The following FNDC3A variants were observed in gnomAD, a reference collection of about 807,000 sequenced individuals.
FNDC3A encodes the protein fibronectin type III domain containing 3A, also known as fibronectin type-III domain-containing protein 3A.
A neutral mutation model predicts 148.9 loss-of-function variants in FNDC3A; 32 were observed. The ratio of observed to expected loss-of-function variants is 0.21; its 90% CI spans 0.16 to 0.29. The LOEUF (loss-of-function observed/expected upper bound fraction) is 0.29, where lower values mean the gene tolerates loss of function less well. Ranked by LOEUF, FNDC3A falls within the 10% of genes least tolerant of loss-of-function variation. FNDC3A has a pLI of 1.00. For synonymous variants in FNDC3A, 472 were observed against 473.6 expected (o/e 1.00, Z 0.04); for missense variants, 1,191 against 1,452.8 (o/e 0.82, Z 2.93).
At chr13:49,153,475 T>C (rs1883451585) in intron 8 of FNDC3A, among the ~76,000 whole-genome samples, 1 of 152,174 alleles carries the variant, frequency 6.6e-6, no homozygotes. Context: ...GGTTGCCTGT[T>C]CACTCTGATG....
At chr13:49,012,819 G>GTGTT (rs1566189894) in intron 2 of FNDC3A, among the ~76,000 whole-genome samples, 1 of 151,198 alleles carries the variant, frequency 6.6e-6, no homozygotes, top group East Asian at 1.9e-4. Context: ...GTGTGTGTGT[G>GTGTT]TGTGTGTGTG....
At chr13:49,139,190 A>C (rs1882552922) in intron 7 of FNDC3A, among the ~76,000 whole-genome samples, 1 of 152,166 alleles carries the variant, frequency 6.6e-6, no homozygotes, top group Non-Finnish European at 1.5e-5. Context: ...TTTCTCTGAC[A>C]AGTGAGAAAA....
At chr13:49,001,060 T>C (rs1472647996) in intron 1 of FNDC3A, among the ~76,000 whole-genome samples, 1 of 152,106 alleles carries the variant, frequency 6.6e-6, no homozygotes, top group Non-Finnish European at 1.5e-5. Flanking sequence ...CTGTCCAGTT[T>C]AGATGCCTTT....
At chr13:49,024,866 T>C (rs1026407559) in intron 2 of FNDC3A, among the ~76,000 whole-genome samples, 2 of 151,996 alleles carry the variant, frequency 1.3e-5, no homozygotes, top group African/African-American at 2.4e-5. Flanking sequence ...AACCCACTTA[T>C]ACTGTTGTTT....
chr13:48,999,956 G>A (rs3012137), intron 1 of FNDC3A, among the ~76,000 whole-genome samples: 151,682 of 152,346 alleles, frequency 1, 75,516 homozygotes, highest in Middle Eastern at 1. Flanking sequence ...TGTTTCAGTT[G>A]CACACTTTTG....
chr13:49,121,048 C>T (rs1413888348), intron 4 of FNDC3A, among the ~76,000 whole-genome samples: 1 of 152,132 alleles, frequency 6.6e-6, no homozygotes, highest in East Asian at 1.9e-4. Flanking sequence ...ATACATTCTT[C>T]TCAGCACCAC....
intron 3 of FNDC3A, among the ~76,000 whole-genome samples, chr13:49,090,939 A>G (rs1419536628): frequency 1.3e-5 from 2 of 152,180 alleles, no homozygotes; most frequent in African/African-American, 2.4e-5. Flanking sequence ...GGTTGCAGTG[A>G]GCTATGCTTG....
At chr13:49,015,678 G>A (rs1952482777) in intron 2 of FNDC3A, among the ~76,000 whole-genome samples, 1 of 152,068 alleles carries the variant, frequency 6.6e-6, no homozygotes, top group South Asian at 2.1e-4. Context: ...CCTGTCTTGT[G>A]CCAGTTTTCA....
intron 2 of FNDC3A, among the ~76,000 whole-genome samples, chr13:49,057,916 A>G (rs938001296): frequency 2.0e-5 from 3 of 152,302 alleles, no homozygotes; most frequent in East Asian, 3.9e-4. Flanking sequence ...CACAAATACT[A>G]TGGACTGAAT....
intron 2 of FNDC3A, among the ~76,000 whole-genome samples, chr13:49,022,491 A>C (rs1873398815): frequency 6.6e-6 from 1 of 152,310 alleles, no homozygotes; most frequent in East Asian, 1.9e-4. Context: ...TTTTAAGTTC[A>C]AAAAGTTACA....
chr13:49,077,730 G>C (rs569771634), intron 3 of FNDC3A, among the ~76,000 whole-genome samples: 1 of 152,260 alleles, frequency 6.6e-6, no homozygotes, highest in Non-Finnish European at 1.5e-5. Context: ...AACCACCATG[G>C]CACATGTATA....
At chr13:48,978,746 T>C (rs1227195158) in intron 1 of FNDC3A, among the ~76,000 whole-genome samples, 1 of 152,170 alleles carries the variant, frequency 6.6e-6, no homozygotes, top group Non-Finnish European at 1.5e-5. Flanking sequence ...GTTTAGAATA[T>C]GGTGCATATT....
intron 8 of FNDC3A, among the ~76,000 whole-genome samples, chr13:49,164,873 A>T (rs935410690): frequency 6.6e-6 from 1 of 152,118 alleles, no homozygotes; most frequent in African/African-American, 2.4e-5. Context: ...CCCGAAGTTT[A>T]TCTTTGTCTC....
At chr13:49,119,314 A>ACACGATG (rs1881179510) in intron 4 of FNDC3A, among the ~76,000 whole-genome samples, 1 of 152,186 alleles carries the variant, frequency 6.6e-6, no homozygotes, top group South Asian at 2.1e-4. Context: ...ACATCAAGAA[A>ACACGATG]CACGATGTCC....
intron 2 of FNDC3A, among the ~76,000 whole-genome samples, chr13:49,018,179 T>G (rs1283649122): frequency 6.6e-6 from 1 of 152,066 alleles, no homozygotes; most frequent in Non-Finnish European, 1.5e-5. Flanking sequence ...TTCTCCTGGA[T>G]AATATCCTGC....
At chr13:49,165,930 C>T (rs1045443480) in intron 8 of FNDC3A, among the ~76,000 whole-genome samples, 3 of 152,116 alleles carry the variant, frequency 2.0e-5, no homozygotes, top group Admixed American at 1.3e-4. Context: ...AGGAGGAGTG[C>T]TCAGGTGTGT....
chr13:49,148,262 G>A (rs1883102247), intron 8 of FNDC3A, among the ~76,000 whole-genome samples: 1 of 151,912 alleles, frequency 6.6e-6, no homozygotes, highest in African/African-American at 2.4e-5. Flanking sequence ...TGTGCTTTGG[G>A]GGTCTTAGCA....
chr13:49,200,734 TAAAG>T (rs1045047851), intron 23 of FNDC3A, among the ~76,000 whole-genome samples: 5 of 152,016 alleles, frequency 3.3e-5, no homozygotes, highest in South Asian at 2.1e-4. Flanking sequence ...TTGTGGAAAA[TAAAG>T]AAATTAAAAC....
chr13:49,138,759 A>G lies in FNDC3A; in HGVS notation c.773A>G (p.Glu258Gly), dbSNP rs370533605. 12 of 1,482,160 alleles carry G rather than the reference A, an allele frequency of 8.1e-6. No individual in the cohort carries two copies. The African/African-American group carries it at 1.5e-4, about 19-fold the overall frequency. 91.8% of individuals were successfully genotyped at this position (1,482,160 alleles called of 1,614,324 possible). Residue 258 changes from glutamate (E) to glycine (G), a missense_variant, in exon 7 of 26, where the codon GAA (glutamate) becomes GGA (glycine). Physicochemically the swap from Glu to Gly is moderately conservative, Grantham distance 98. Transcript: ENST00000492622. ...TTATTTTTTTAAGAAAAAGATGAAGAAACTAAAGCATTTGAAGCACTTCTT... is the reference window on the plus strand; with the variant it reads ...TTATTTTTTTAAGAAAAAGATGAAGGAACTAAAGCATTTGAAGCACTTCTT... The part of the protein sequence containing the change: ...VDTEIEEKDE[E>G]TKAFEALLSN...
Sources: allele counts gnomAD v4.1 joint callset (sites outside exome capture counted in the v4.1 genomes callset), GRCh38; gene constraint gnomAD v4.1.1; transcripts MANE v1.5; gene names NCBI Gene and HGNC (gene_info 2026-07-23, HGNC 2026-07-21).